FRMD3: variants seen among roughly 807,000 people sequenced by gnomAD.
FRMD3 encodes the protein FERM domain containing 3.
A neutral mutation model predicts 70.2 loss-of-function variants in FRMD3; 33 were observed. The observed-to-expected ratio is 0.47, with a 90% CI of 0.36 to 0.63. The LOEUF is 0.63. Among genes scored for constraint, FRMD3 ranks in the 20% least tolerant of loss-of-function variants. The pLI is 0.00. For synonymous variants in FRMD3, 279 were observed against 255.9 expected (o/e 1.09, Z -0.86); for missense variants, 632 against 711.4 (o/e 0.89, Z 1.27).
At chr9:83,428,788 C>T (rs1826887957) in intron 1 of FRMD3, among the ~76,000 whole-genome samples, 1 of 152,176 alleles carries the variant, frequency 6.6e-6, no homozygotes, top group Admixed American at 6.5e-5. Flanking sequence ...CACCCATTAA[C>T]TCCAAAGCCC....
rs34251863 is a variant in FRMD3 at position 83,507,691 on chromosome 9, CATATATATATATATATATATATATAT to C, written c.147+30368_147+30393del. ...TCTCAAACAAAAAAAAATATACATA[CATATATATATATATATATATATATAT>C]ATATATATATATATATATATATCTT... On this transcript the variant is annotated intron_variant, in intron 1 of 13. Coordinates refer to ENST00000304195, the MANE Select transcript of FRMD3 (RefSeq NM_174938.6). Among the ~76,000 whole-genome samples the C allele has an allele frequency of 1.6e-3, 80 of 49,244 alleles. 6 individuals carry two copies. The highest frequency in any genetic ancestry group is 2.0e-3 in the Non-Finnish European group (58 of 28,752). The allele number at this position is 49,244 out of a possible 152,430, so 32.3% of individuals were successfully genotyped here. A position where few individuals can be genotyped will look rare whatever the true frequency, so the allele number is the denominator to read the frequency against.
At chr9:83,547,870 T>A in the FRMD3 span, among the ~76,000 whole-genome samples, 4 of 152,124 alleles carry the variant, frequency 2.6e-5, no homozygotes, top group Non-Finnish European at 5.9e-5. Context: ...AGTGTAAAAA[T>A]CAAAATTATA....
chr9:83,577,749 A>G, the FRMD3 span, among the ~76,000 whole-genome samples: 1 of 151,974 alleles, frequency 6.6e-6, no homozygotes, highest in Non-Finnish European at 1.5e-5. Context: ...ACAAGAAGAG[A>G]GATCTCAAAT....
chr9:83,469,158 A>G (rs1828205607), intron 1 of FRMD3, among the ~76,000 whole-genome samples: 1 of 152,254 alleles, frequency 6.6e-6, no homozygotes, highest in Non-Finnish European at 1.5e-5. Flanking sequence ...AGGGATGAAG[A>G]CTTACACTGG....
chr9:83,301,756 G>T, intron 10 of FRMD3, among the ~76,000 whole-genome samples: 1 of 152,220 alleles, frequency 6.6e-6, no homozygotes, highest in Non-Finnish European at 1.5e-5. Context: ...CTCTTAGAGG[G>T]AAGTCTCAGT....
At chr9:83,330,859 T>TGATA (rs1329359345) in intron 6 of FRMD3, among the ~76,000 whole-genome samples, 6 of 152,228 alleles carry the variant, frequency 3.9e-5, no homozygotes, top group Non-Finnish European at 8.8e-5. Context: ...CTAGTTCACA[T>TGATA]GATATTAAAA....
intron 3 of FRMD3, among the ~76,000 whole-genome samples, chr9:83,368,979 C>T (rs1282281856): frequency 5.3e-5 from 8 of 152,012 alleles, no homozygotes; most frequent in Non-Finnish European, 1.0e-4. Context: ...CTCAGCCTCC[C>T]GAGGAGCTGG....
chr9:83,515,664 T>C (rs975956472), intron 1 of FRMD3, among the ~76,000 whole-genome samples: 1 of 152,026 alleles, frequency 6.6e-6, no homozygotes, highest in Non-Finnish European at 1.5e-5. Context: ...AGACACATAA[T>C]CTTCAGATTC....
chr9:83,383,507 A>T (rs762349871), intron 2 of FRMD3, among the ~76,000 whole-genome samples: 3 of 152,222 alleles, frequency 2.0e-5, no homozygotes, highest in Non-Finnish European at 2.9e-5. Context: ...CTTCCCAGTT[A>T]GACTTAAAGA....
At chr9:83,323,962 T>C (rs1262202909) in intron 6 of FRMD3, among the ~76,000 whole-genome samples, 1 of 152,250 alleles carries the variant, frequency 6.6e-6, no homozygotes, top group African/African-American at 2.4e-5. Flanking sequence ...TAGGGAGTCC[T>C]GTACATGTAC....
intron 1 of FRMD3, among the ~76,000 whole-genome samples, chr9:83,405,684 T>C (rs921727729): frequency 5.3e-5 from 8 of 151,510 alleles, no homozygotes; most frequent in Admixed American, 4.6e-4. Context: ...GCAGGAGAAT[T>C]GCTTGAACCC....
chr9:83,464,265 T>C (rs76537381), intron 1 of FRMD3, among the ~76,000 whole-genome samples: 8,970 of 152,286 alleles, frequency 0.059, 317 homozygotes, highest in East Asian at 0.18. Flanking sequence ...TGTAGTGTCC[T>C]GATCAAACAG....
intron 2 of FRMD3, among the ~76,000 whole-genome samples, chr9:83,380,540 A>T (rs1825321946): frequency 6.6e-6 from 1 of 152,184 alleles, no homozygotes; most frequent in Admixed American, 6.5e-5. Flanking sequence ...TATCATACAA[A>T]TGGTGCATAT....
chr9:83,309,365 A>G (rs146235836), intron 10 of FRMD3, among the ~76,000 whole-genome samples, 171 bp downstream of exon 10: 1 of 152,268 alleles, frequency 6.6e-6, no homozygotes, highest in African/African-American at 2.4e-5. Context: ...GGTCAGGCCA[A>G]CAAGCCAACA....
chr9:83,485,791 G>C (rs1352138002), intron 1 of FRMD3, among the ~76,000 whole-genome samples: 1 of 152,128 alleles, frequency 6.6e-6, no homozygotes, highest in African/African-American at 2.4e-5. Flanking sequence ...CTAATGTACT[G>C]TGTCATTCAC....
chr9:83,536,930 T>TAAAAAAAAAAAAAACAAA (rs1829905618), intron 1 of FRMD3, among the ~76,000 whole-genome samples: 1 of 60,894 alleles, frequency 1.6e-5, no homozygotes, highest in Non-Finnish European at 3.2e-5. Flanking sequence ...TGTATTACAC[T>TAAAAAAAAAAAAAACAAA]AAAAAAAAAA....
chr9:83,550,907 T>A, the FRMD3 span, among the ~76,000 whole-genome samples: 1 of 152,132 alleles, frequency 6.6e-6, no homozygotes, highest in African/African-American at 2.4e-5. Context: ...AGATATAGAA[T>A]CATATTGTCT....
At chr9:83,519,123 A>G (rs1265761811) in intron 1 of FRMD3, among the ~76,000 whole-genome samples, 1 of 152,258 alleles carries the variant, frequency 6.6e-6, no homozygotes, top group Non-Finnish European at 1.5e-5. Flanking sequence ...AATGGCAACA[A>G]AAGCCAAAAT....
intron 1 of FRMD3, among the ~76,000 whole-genome samples, chr9:83,408,014 T>C (rs1473646585): frequency 6.6e-6 from 1 of 151,970 alleles, no homozygotes; most frequent in Non-Finnish European, 1.5e-5. Flanking sequence ...GAAGCCAGAC[T>C]TCTCCATCAG....
Sources: allele counts gnomAD v4.1 joint callset (sites outside exome capture counted in the v4.1 genomes callset), GRCh38; gene constraint gnomAD v4.1.1; transcripts MANE v1.5; gene names NCBI Gene and HGNC (gene_info 2026-07-23, HGNC 2026-07-21).